LINGO2: variants seen among roughly 807,000 people sequenced by gnomAD.
LINGO2 encodes leucine rich repeat and Ig domain containing 2.
Under a neutral mutation model 30.6 loss-of-function variants are expected in LINGO2, and 14 were observed. That is an observed-to-expected ratio of 0.46 (90% CI 0.30 to 0.72). The LOEUF is 0.72. LINGO2 is among the 30% of genes least tolerant of loss of function. The pLI is 0.07. For synonymous variants in LINGO2, 317 were observed against 288.5 expected (o/e 1.10, Z -1.00); for missense variants, 729 against 751.7 (o/e 0.97, Z 0.35).
Position 28,034,596 on chromosome 9 carries a change from T to C in LINGO2, c.-86-22191A>G, listed in dbSNP as rs866453849. Reference sequence around the variant, plus strand: ...AAGTCAGCCTAGAAAACGAGGATAATATCTCTTGGCTGTAGAACAAACTGA... The same window carrying C: ...AAGTCAGCCTAGAAAACGAGGATAACATCTCTTGGCTGTAGAACAAACTGA... On this transcript the variant is annotated intron_variant, in intron 4 of 5. Transcript: ENST00000379992. 1.6e-4 allele frequency among the ~76,000 whole-genome samples: 25 copies of C among 152,256 alleles called. No homozygotes were observed. The Middle Eastern group carries it at 0.01, about 62-fold the overall frequency.
chr9:29,149,775 C>G, the LINGO2 span, among the ~76,000 whole-genome samples: 4 of 152,156 alleles, frequency 2.6e-5, no homozygotes, highest in African/African-American at 9.7e-5. Flanking sequence ...GCAGCTGCAG[C>G]AGAACGAAGC....
chr9:28,002,471 A>G (rs1346983930), intron 5 of LINGO2, among the ~76,000 whole-genome samples: 1 of 152,126 alleles, frequency 6.6e-6, no homozygotes, highest in African/African-American at 2.4e-5. Context: ...AAAAATTCTC[A>G]TTTCTATAAC....
the LINGO2 span, among the ~76,000 whole-genome samples, chr9:28,980,725 ATT>A: frequency 6.6e-6 from 1 of 152,114 alleles, no homozygotes; most frequent in African/African-American, 2.4e-5. Context: ...TCCATTTAAA[ATT>A]TGAGACCTCT....
chr9:28,820,332 G>A, the LINGO2 span, among the ~76,000 whole-genome samples: 1 of 151,534 alleles, frequency 6.6e-6, no homozygotes, highest in Non-Finnish European at 1.5e-5. Flanking sequence ...ACCCTTTAGA[G>A]AATTTTCAAC....
intron 4 of LINGO2, among the ~76,000 whole-genome samples, chr9:28,163,493 T>C (rs1018773108): frequency 2.0e-5 from 3 of 152,118 alleles, no homozygotes; most frequent in African/African-American, 7.2e-5. Context: ...ATACCTAAAA[T>C]GCATACAAAA....
At chr9:29,175,104 CA>C in the LINGO2 span, among the ~76,000 whole-genome samples, 1 of 151,956 alleles carries the variant, frequency 6.6e-6, no homozygotes, top group Non-Finnish European at 1.5e-5. Flanking sequence ...ACTAAAAATA[CA>C]AAAACTAGCT....
chr9:28,530,228 T>TCAC (rs1821179259), intron 1 of LINGO2, among the ~76,000 whole-genome samples: 1 of 151,966 alleles, frequency 6.6e-6, no homozygotes, highest in African/African-American at 2.4e-5. Context: ...ACGATGATGG[T>TCAC]GATGATGATG....
intron 4 of LINGO2, among the ~76,000 whole-genome samples, chr9:28,181,840 A>G (rs945554131): frequency 6.6e-6 from 1 of 152,158 alleles, no homozygotes; most frequent in African/African-American, 2.4e-5. Flanking sequence ...AGGTCCTTCT[A>G]TCCTCATGGA....
At chr9:28,960,267 A>T in the LINGO2 span, among the ~76,000 whole-genome samples, 1 of 152,128 alleles carries the variant, frequency 6.6e-6, no homozygotes, top group East Asian at 1.9e-4. Flanking sequence ...TGAAAGGCCA[A>T]GGCACGAAGA....
intron 1 of LINGO2, among the ~76,000 whole-genome samples, chr9:28,529,693 AG>A (rs1821159165): frequency 6.6e-6 from 1 of 151,524 alleles, no homozygotes; most frequent in South Asian, 2.1e-4. Context: ...GCCTTTAAAA[AG>A]GTGGATCGGG....
At chr9:28,798,475 A>T in the LINGO2 span, among the ~76,000 whole-genome samples, 1 of 152,078 alleles carries the variant, frequency 6.6e-6, no homozygotes, top group South Asian at 2.1e-4. Context: ...TGTGATGGTG[A>T]GAGAAGGTGG....
chr9:28,999,784 T>C, the LINGO2 span, among the ~76,000 whole-genome samples: 13 of 151,972 alleles, frequency 8.6e-5, no homozygotes, highest in African/African-American at 1.7e-4. Flanking sequence ...ATGCAACCTT[T>C]AGAAAAAGAA....
rs955945491 is a variant in LINGO2, at chr9:27,986,161, GA to G, written c.-36+26193del. The stretch of plus-strand genomic sequence containing the variant: ...GCTGGCTTCTGGAGGGGGAACAGGA[GA>G]AAAAAAAAACAGCCAGAGAAGACAG... On this transcript the variant is annotated intron_variant, in intron 5 of 5. Coordinates refer to ENST00000379992, the Ensembl canonical transcript of LINGO2. 7.1e-3 allele frequency among the ~76,000 whole-genome samples: 1,001 copies of G among 141,154 alleles called. 14 individuals are homozygous for G. Among genetic ancestry groups the G allele is most frequent in the African/African-American group, 0.024 (931 of 38,574 alleles). The allele number at this position is 141,154 out of a possible 152,430, so 92.6% of individuals were successfully genotyped here. A position where few individuals can be genotyped will look rare whatever the true frequency, so the allele number is the denominator to read the frequency against.
At chr9:28,297,685 G>A (rs760547104) in intron 3 of LINGO2, among the ~76,000 whole-genome samples, 2 of 152,184 alleles carry the variant, frequency 1.3e-5, no homozygotes, top group Non-Finnish European at 2.9e-5. Context: ...TAATGCTTGT[G>A]AGGTTGTTAT....
At chr9:28,360,141 C>T (rs1209069766) in intron 3 of LINGO2, among the ~76,000 whole-genome samples, 2 of 152,044 alleles carry the variant, frequency 1.3e-5, no homozygotes, top group African/African-American at 4.8e-5. Context: ...AAAATGGTAG[C>T]CATTAATGTA....
the LINGO2 span, among the ~76,000 whole-genome samples, chr9:28,917,758 A>G: frequency 6.6e-6 from 1 of 152,122 alleles, no homozygotes; most frequent in Non-Finnish European, 1.5e-5. Flanking sequence ...GTAAAGCAAG[A>G]GAAAGCTTGC....
the LINGO2 span, among the ~76,000 whole-genome samples, chr9:29,013,462 C>A: frequency 1.3e-5 from 2 of 151,830 alleles, no homozygotes; most frequent in Non-Finnish European, 2.9e-5. Context: ...TTAGCATAGA[C>A]CATCCCAAGA....
the LINGO2 span, among the ~76,000 whole-genome samples, chr9:29,144,273 T>C: frequency 7.0e-6 from 1 of 143,310 alleles, no homozygotes; most frequent in Non-Finnish European, 1.5e-5. Context: ...CATTTTAAAA[T>C]AGCTTTTTTA....
At chr9:29,112,168 C>T in the LINGO2 span, among the ~76,000 whole-genome samples, 1 of 151,594 alleles carries the variant, frequency 6.6e-6, no homozygotes, top group Non-Finnish European at 1.5e-5. Flanking sequence ...AAAATGATGT[C>T]TAATTTTTAG....
Sources: allele counts gnomAD v4.1 joint callset (sites outside exome capture counted in the v4.1 genomes callset), GRCh38; gene constraint gnomAD v4.1.1; transcripts MANE v1.5; gene names NCBI Gene and HGNC (gene_info 2026-07-23, HGNC 2026-07-21).